The following HEPHL1 variants were observed in gnomAD, a reference collection of about 807,000 sequenced individuals.
HEPHL1 encodes hephaestin like 1, also known as ferroxidase HEPHL1.
A neutral mutation model predicts 122.0 loss-of-function variants in HEPHL1; 123 were observed. The observed-to-expected ratio is 1.01, with a 90% CI of 0.87 to 1.17. The LOEUF is 1.17. Among genes scored for constraint, HEPHL1 ranks in the 50% most tolerant of loss-of-function variants. The probability of loss-of-function intolerance (pLI) is 0.00; values close to 1 mark genes in which losing one functional copy is unlikely to be tolerated. For missense variants in HEPHL1, 1,452 were observed against 1,430.5 expected, an observed-to-expected ratio of 1.01 and a Z score of -0.24; for synonymous variants, 527 against 508.9, an observed-to-expected ratio of 1.04 and a Z score of -0.48.
rs1402962866 is a variant in HEPHL1, at chr11:94,054,218, A to C, written c.415+8301A>C. On this transcript the variant is annotated intron_variant, in intron 2 of 19. Coordinates refer to ENST00000315765, the MANE Select transcript of HEPHL1 (RefSeq NM_001098672.2). The stretch of plus-strand genomic sequence containing the variant: ...AGGAAGCCAGGAACACAGGATGTAC[A>C]CATCTTTGGCAGGCATGTTTAGCCC... Among the ~76,000 whole-genome samples, 3 of 152,328 alleles carry C rather than the reference A, an allele frequency of 2.0e-5. No homozygotes were observed. In the East Asian group the frequency reaches 5.8e-4, roughly 29 times the overall value.
At chr11:94,043,172 TGAAAA>T (rs1945802450) in intron 1 of HEPHL1, among the ~76,000 whole-genome samples, 1 of 151,544 alleles carries the variant, frequency 6.6e-6, no homozygotes, top group Non-Finnish European at 1.5e-5. Context: ...ACAGAAAAAA[TGAAAA>T]GAAATAGTCT....
At chr11:94,058,741 A>C (rs925865072) in intron 2 of HEPHL1, among the ~76,000 whole-genome samples, 3 of 151,848 alleles carry the variant, frequency 2.0e-5, no homozygotes, top group African/African-American at 7.2e-5. Flanking sequence ...TATTTGTTTT[A>C]TTTCTATAGA....
chr11:94,022,445 G>C (rs2134399434), intron 1 of HEPHL1, among the ~76,000 whole-genome samples: 1 of 152,328 alleles, frequency 6.6e-6, no homozygotes, highest in Admixed American at 6.5e-5. Context: ...CTAAAGATGA[G>C]TTTAGTTGAT....
chr11:94,063,312 A>G (rs1012714706), intron 2 of HEPHL1, among the ~76,000 whole-genome samples, 196 bp from the exon 3 acceptor site: 4 of 152,278 alleles, frequency 2.6e-5, no homozygotes, highest in Non-Finnish European at 2.9e-5. Context: ...TCCCTGTAGG[A>G]TAGATATCAA....
At chr11:94,067,418 A>G (rs1946042992) in intron 4 of HEPHL1, 78 bp from the exon 5 acceptor site, 1 of 1,425,954 alleles carries the variant, frequency 7.0e-7, no homozygotes, top group Admixed American at 1.7e-5. Context: ...AGCCATGCTT[A>G]AGCCCGTATT....
chr11:94,098,382 G>A lies in HEPHL1; in HGVS notation c.2435-2813G>A, dbSNP rs192414734. 9.0e-3 allele frequency among the ~76,000 whole-genome samples: 1,363 copies of A among 152,268 alleles called. 20 individuals are homozygous for A. The highest frequency in any genetic ancestry group is 0.03 in the African/African-American group (1,258 of 41,546). The stretch of plus-strand genomic sequence containing the variant: ...TTGTAGAGTTTCTGCTGAGAGATCC[G>A]CTGTTAGTCTGATGGGCTTCCCTTT... On this transcript the variant is annotated intron_variant, in intron 13 of 19. Transcript: ENST00000315765.
intron 1 of HEPHL1, among the ~76,000 whole-genome samples, chr11:94,041,077 C>T (rs1445309251): frequency 2.9e-5 from 4 of 138,208 alleles, no homozygotes; most frequent in African/African-American, 8.3e-5. Flanking sequence ...TATAGACCAA[C>T]AACAGACAAA....
intron 8 of HEPHL1, 67 bp from the exon 9 acceptor site, chr11:94,075,107 G>A (rs2134434922): frequency 7.2e-7 from 1 of 1,380,808 alleles, no homozygotes; most frequent in East Asian, 2.4e-5. Context: ...AGGGCTGGAA[G>A]ACCCAGTCTG....
intron 1 of HEPHL1, among the ~76,000 whole-genome samples, chr11:94,032,454 C>G (rs1018671732): frequency 5.3e-5 from 8 of 152,184 alleles, no homozygotes; most frequent in Admixed American, 3.3e-4. Flanking sequence ...TTGCTGCGCT[C>G]TCTTTAAATT....
chr11:94,039,626 G>T (rs1317220353), intron 1 of HEPHL1, among the ~76,000 whole-genome samples: 3 of 151,490 alleles, frequency 2.0e-5, no homozygotes, highest in Middle Eastern at 3.4e-3. Context: ...TGACAACTGG[G>T]TACATAACGA....
At chr11:94,081,864 TG>T (rs1354487151) in intron 9 of HEPHL1, among the ~76,000 whole-genome samples, 1 of 152,218 alleles carries the variant, frequency 6.6e-6, no homozygotes, top group African/African-American at 2.4e-5. Flanking sequence ...AGTGAGTTTC[TG>T]GGCAGAAGAT....
chr11:94,051,698 C>T (rs1287106774), intron 2 of HEPHL1, among the ~76,000 whole-genome samples: 1 of 152,092 alleles, frequency 6.6e-6, no homozygotes, highest in African/African-American at 2.4e-5. Context: ...GGGTATTACT[C>T]AAGAAATCTT....
chr11:94,088,390 G>A (rs924800432), intron 11 of HEPHL1, among the ~76,000 whole-genome samples: 2 of 152,148 alleles, frequency 1.3e-5, no homozygotes, highest in Non-Finnish European at 2.9e-5. Context: ...CATCTTACAG[G>A]TAATTAGTTC....
chr11:94,109,017 CTCT>C (rs1442435532), intron 17 of HEPHL1, among the ~76,000 whole-genome samples: 18 of 152,030 alleles, frequency 1.2e-4, no homozygotes, highest in Admixed American at 1.1e-3. Context: ...TATCGTTTAG[CTCT>C]TCTTTGATTT....
At chr11:94,030,776 G>A (rs569378759) in intron 1 of HEPHL1, among the ~76,000 whole-genome samples, 1 of 152,316 alleles carries the variant, frequency 6.6e-6, no homozygotes, top group East Asian at 1.9e-4. Flanking sequence ...TCTTGCACAG[G>A]GAAATGTAAG....
At chr11:94,036,490 T>G (rs1429809132) in intron 1 of HEPHL1, among the ~76,000 whole-genome samples, 1 of 152,102 alleles carries the variant, frequency 6.6e-6, no homozygotes, top group Non-Finnish European at 1.5e-5. Context: ...TTGAGTCATC[T>G]CACAACTTTT....
chr11:94,090,416 T>G (rs1356398410), intron 12 of HEPHL1, among the ~76,000 whole-genome samples: 1 of 152,204 alleles, frequency 6.6e-6, no homozygotes, highest in Admixed American at 6.5e-5. Flanking sequence ...TAATATGAAC[T>G]CCTACTTTAA....
At chr11:94,070,575 T>C in intron 6 of HEPHL1, 33 bp downstream of exon 6, 1 of 1,551,322 alleles carries the variant, frequency 6.4e-7, no homozygotes, top group East Asian at 2.3e-5. Flanking sequence ...TCTAAGCCTC[T>C]CGTCAGAGAA....
rs187088019 is a variant in HEPHL1 at position 94,053,979 on chromosome 11, T to C, written c.415+8062T>C. Among the ~76,000 whole-genome samples, 530 of 152,344 alleles carry C rather than the reference T, an allele frequency of 3.5e-3. 3 individuals are homozygous for C. The highest frequency in any genetic ancestry group is 6.3e-3 in the Non-Finnish European group (432 of 68,032). On this transcript the variant is annotated intron_variant, in intron 2 of 19. Transcript: ENST00000315765. ...TCATTTAGGTATAATTGGTTCATAG[T>C]ATTGTTCAAGTCTCCTATATCCTTG...
Sources: allele counts gnomAD v4.1 joint callset (sites outside exome capture counted in the v4.1 genomes callset), GRCh38; gene constraint gnomAD v4.1.1; transcripts MANE v1.5; gene names NCBI Gene and HGNC (gene_info 2026-07-23, HGNC 2026-07-21).